MAD1L1: variants seen among roughly 807,000 people sequenced by gnomAD.
MAD1L1 encodes mitotic spindle assembly checkpoint protein MAD1.
MAD1L1 carries 95 observed loss-of-function variants against 96.9 expected under a neutral mutation model. That is an observed-to-expected ratio of 0.98 (90% CI 0.83 to 1.16). The LOEUF (loss-of-function observed/expected upper bound fraction) is 1.16, where lower values mean the gene tolerates loss of function less well. MAD1L1 is among the 50% of genes most tolerant of loss of function. The probability of loss-of-function intolerance (pLI) is 0.00; values close to 1 mark genes in which losing one functional copy is unlikely to be tolerated. For synonymous variants in MAD1L1, 473 were observed against 396.6 expected, an observed-to-expected ratio of 1.19 and a Z score of -2.29; for missense variants, 1,007 against 954.4, an observed-to-expected ratio of 1.06 and a Z score of -0.73.
intron 10 of MAD1L1, among the ~76,000 whole-genome samples, chr7:2,192,291 C>T (rs1791764862): frequency 6.6e-6 from 1 of 152,020 alleles, no homozygotes; most frequent in Admixed American, 6.6e-5. Flanking sequence ...CCACCACGCC[C>T]AGCTAATTTT....
intron 12 of MAD1L1, among the ~76,000 whole-genome samples, chr7:2,041,325 C>G (rs1293968944): frequency 6.6e-6 from 1 of 152,178 alleles, no homozygotes; most frequent in Non-Finnish European, 1.5e-5. Flanking sequence ...AGAGCCAACC[C>G]TTTGGAACGT....
chr7:2,079,983 G>A (rs1259577139), intron 11 of MAD1L1: 1 of 324,642 alleles, frequency 3.1e-6, no homozygotes, highest in Non-Finnish European at 6.0e-6. Context: ...CGTCTCCCGA[G>A]GTCAGAGAGA....
At chr7:2,196,276 C>G (rs958817373) in intron 10 of MAD1L1, among the ~76,000 whole-genome samples, 7 of 152,226 alleles carry the variant, frequency 4.6e-5, no homozygotes, top group African/African-American at 1.7e-4. Context: ...CAGTGCCATC[C>G]TGCCAGCAAA....
At chr7:1,980,884 G>A in intron 14 of MAD1L1, 1 of 405,756 alleles carries the variant, frequency 2.5e-6, no homozygotes, top group Non-Finnish European at 4.8e-6. Flanking sequence ...TGGTTTAACA[G>A]CCACAAGCCG....
chr7:1,910,212 T>C (rs562912500), intron 17 of MAD1L1, among the ~76,000 whole-genome samples: 2 of 151,662 alleles, frequency 1.3e-5, no homozygotes, highest in Admixed American at 6.6e-5. Context: ...ACAGCCCCCA[T>C]GGGGTCCTTC....
At chr7:2,213,136 G>T in intron 10 of MAD1L1, 76 bp downstream of exon 10, 1 of 1,497,476 alleles carries the variant, frequency 6.7e-7, no homozygotes, top group Non-Finnish European at 9.3e-7. Context: ...GCGCTGGTGA[G>T]CCGGAAGCAG....
intron 3 of MAD1L1, 30 bp downstream of exon 3, chr7:2,229,954 C>G (rs1794109401): frequency 1.9e-6 from 3 of 1,609,332 alleles, no homozygotes; most frequent in Non-Finnish European, 2.5e-6. Context: ...CTCCCCAGAG[C>G]AGACTCCCAC....
chr7:2,077,475 C>T (rs1345693762), intron 11 of MAD1L1, among the ~76,000 whole-genome samples: 2 of 152,174 alleles, frequency 1.3e-5, no homozygotes, highest in African/African-American at 4.8e-5. Flanking sequence ...TGAGCACCCC[C>T]ATAGGGCTGG....
chr7:1,965,152 G>A lies in MAD1L1; in HGVS notation c.1506-7433C>T, dbSNP rs1052488590. Among the ~76,000 whole-genome samples, 6 of 152,350 alleles carry A rather than the reference G, an allele frequency of 3.9e-5. No individual in the cohort carries two copies. In the South Asian group the frequency reaches 1.2e-3, roughly 32 times the overall value. ...ACCATTTCCCTTGAACAACGGGTGT[G>A]GGAACCCCACCAGAGAGGCTGGCGA... On this transcript the variant is annotated intron_variant, in intron 15 of 18. Coordinates refer to ENST00000265854, the MANE Select transcript of MAD1L1 (RefSeq NM_001013836.2).
At chr7:1,942,191 C>T (rs554155414) in intron 16 of MAD1L1, among the ~76,000 whole-genome samples, 9 of 152,340 alleles carry the variant, frequency 5.9e-5, no homozygotes, top group African/African-American at 1.4e-4. Flanking sequence ...GGAGCTGCCA[C>T]TCATGGTGGG....
At chr7:2,197,185 G>A (rs553627524) in intron 10 of MAD1L1, among the ~76,000 whole-genome samples, 121 of 152,282 alleles carry the variant, frequency 7.9e-4, no homozygotes, top group Non-Finnish European at 1.4e-3. Context: ...AACACTGTCC[G>A]AACACGCAGC....
chr7:2,039,125 A>C (rs993048231), intron 12 of MAD1L1, among the ~76,000 whole-genome samples: 23 of 152,256 alleles, frequency 1.5e-4, no homozygotes, highest in Non-Finnish European at 3.1e-4. Flanking sequence ...ATCATGCAGC[A>C]CACGACCTTC....
intron 18 of MAD1L1, among the ~76,000 whole-genome samples, chr7:1,888,432 G>A (rs911811262): frequency 6.7e-6 from 1 of 149,086 alleles, no homozygotes; most frequent in Non-Finnish European, 1.5e-5. Context: ...GCATGCATGT[G>A]GCTGCCTGTA....
intron 10 of MAD1L1, among the ~76,000 whole-genome samples, chr7:2,205,079 CTTTTCTT>C (rs1239724161): frequency 9.0e-5 from 8 of 88,692 alleles, no homozygotes; most frequent in Admixed American, 4.1e-4. Context: ...CTCACAGGAT[CTTTTCTT>C]TTTTTTTTTT....
chr7:1,945,196 C>A (rs756788981), intron 16 of MAD1L1, among the ~76,000 whole-genome samples: 1 of 152,226 alleles, frequency 6.6e-6, no homozygotes, highest in South Asian at 2.1e-4. Flanking sequence ...CTGTTGCCAG[C>A]GGGACACCCC....
chr7:2,167,938 A>G (rs1584471753), intron 10 of MAD1L1, among the ~76,000 whole-genome samples: 1 of 152,164 alleles, frequency 6.6e-6, no homozygotes, highest in South Asian at 2.1e-4. Context: ...CACCGCACCT[A>G]TCTTACCTGC....
chr7:2,149,313 G>GTTGCTTTTGGCCTTCTGTTTT, intron 10 of MAD1L1, 75 bp from the exon 11 acceptor site: 1 of 1,204,788 alleles, frequency 8.3e-7, no homozygotes, highest in Non-Finnish European at 1.2e-6. Context: ...CAAAACAGAA[G>GTTGCTTTTGGCCTTCTGTTTT]GCCAAAAGCA....
chr7:2,087,406 GGC>G (rs1266686084), intron 11 of MAD1L1, among the ~76,000 whole-genome samples: 5 of 152,088 alleles, frequency 3.3e-5, no homozygotes, highest in Admixed American at 1.3e-4. Flanking sequence ...CAGGCCTGGT[GGC>G]GCGCGCCTGT....
At chr7:1,877,761 TTCAGAACAAGAATATTTAAGAG>T (rs1785459471) in intron 18 of MAD1L1, among the ~76,000 whole-genome samples, 1 of 152,114 alleles carries the variant, frequency 6.6e-6, no homozygotes, top group African/African-American at 2.4e-5. Context: ...CAAGTCAGAC[TTCAGAACAAGAATATTTAAGAG>T]ATGAAGACAG....
Sources: gnomAD v4.1 joint callset for allele counts (sites outside exome capture counted in the v4.1 genomes callset) on GRCh38, gnomAD v4.1.1 for gene constraint, MANE v1.5 for transcripts, NCBI Gene and HGNC (gene_info 2026-07-23, HGNC 2026-07-21) for gene names.